Variants in SENP8 observed in about 807,000 individuals in gnomAD.
The protein encoded by SENP8 is sentrin-specific protease 8.
SENP8 carries 10 observed loss-of-function variants against 14.4 expected under a neutral mutation model. That is an observed-to-expected ratio of 0.69 (90% CI 0.43 to 1.18). The LOEUF is 1.18. Among genes scored for constraint, SENP8 ranks in the 50% most tolerant of loss-of-function variants. SENP8 has a pLI of 0.00. For missense variants in SENP8, 202 were observed against 249.4 expected, an observed-to-expected ratio of 0.81 and a Z score of 1.28; for synonymous variants, 94 against 95.5, an observed-to-expected ratio of 0.98 and a Z score of 0.09.
intron 1 of SENP8, among the ~76,000 whole-genome samples, chr15:72,126,643 C>T (rs576212235): frequency 1.2e-4 from 19 of 152,116 alleles, no homozygotes; most frequent in African/African-American, 3.6e-4. Flanking sequence ...GGAAAATTTC[C>T]GTCACAAGAA....
chr15:72,117,986 T>C (rs960958889), upstream of SENP8: 6 of 399,392 alleles, frequency 1.5e-5, no homozygotes, highest in East Asian at 3.6e-5. Context: ...GTGCAACTAC[T>C]GCCTCCGCCG....
intron 1 of SENP8, among the ~76,000 whole-genome samples, chr15:72,124,382 G>A (rs1440997382): frequency 6.6e-6 from 1 of 152,080 alleles, no homozygotes; most frequent in Non-Finnish European, 1.5e-5. Flanking sequence ...TCTCCAGATG[G>A]CTTAGGCTTA....
intron 1 of SENP8, among the ~76,000 whole-genome samples, chr15:72,131,651 A>G (rs1415197718): frequency 6.6e-6 from 1 of 152,190 alleles, no homozygotes; most frequent in Non-Finnish European, 1.5e-5. Flanking sequence ...AGCTTCATTT[A>G]ATTACAGAAT....
chr15:72,117,637 C>A (rs1273376866), upstream of SENP8: 6 of 395,372 alleles, frequency 1.5e-5, no homozygotes, highest in Middle Eastern at 1.2e-3. Context: ...AGACGTGGGC[C>A]AGGACGGGCT....
chr15:72,131,858 AT>A (rs2081276702), intron 1 of SENP8, among the ~76,000 whole-genome samples: 1 of 152,228 alleles, frequency 6.6e-6, no homozygotes, highest in African/African-American at 2.4e-5. Flanking sequence ...GTGGCTTTAT[AT>A]AAAGAGACAA....
At chr15:72,132,804 A>C (rs1013207674) in intron 1 of SENP8, among the ~76,000 whole-genome samples, 1 of 151,824 alleles carries the variant, frequency 6.6e-6, no homozygotes, top group African/African-American at 2.4e-5. Context: ...TCTGTCTACA[A>C]TATCTATTCC....
chr15:72,116,171 G>A (rs1007093837), upstream of SENP8, among the ~76,000 whole-genome samples: 5 of 152,200 alleles, frequency 3.3e-5, no homozygotes, highest in African/African-American at 1.2e-4. Flanking sequence ...ATGGGTGGCT[G>A]GAGAGTGAAG....
chr15:72,130,557 A>ATTTTTTTTTTTTT (rs11411490), intron 1 of SENP8, among the ~76,000 whole-genome samples: 1 of 106,164 alleles, frequency 9.4e-6, no homozygotes. Flanking sequence ...ATGTTTTAGG[A>ATTTTTTTTTTTTT]TTTTTTTTTT....
chr15:72,136,645 C>T (rs1203152384), intron 1 of SENP8, among the ~76,000 whole-genome samples: 2 of 152,054 alleles, frequency 1.3e-5, no homozygotes, highest in African/African-American at 2.4e-5. Flanking sequence ...CGTTTTGTTA[C>T]ACGAAAATGG....
At chr15:72,127,914 C>T (rs1028863607) in intron 1 of SENP8, among the ~76,000 whole-genome samples, 1 of 152,006 alleles carries the variant, frequency 6.6e-6, no homozygotes, top group African/African-American at 2.4e-5. Context: ...CATAGTGAGA[C>T]CCTGCCTCTA....
intron 1 of SENP8, among the ~76,000 whole-genome samples, chr15:72,123,046 C>T (rs938035339): frequency 2.6e-5 from 4 of 152,152 alleles, no homozygotes; most frequent in Admixed American, 2.6e-4. Flanking sequence ...ATTTATTGAA[C>T]CTCTACTATG....
At chr15:72,135,916 G>A (rs910415739) in intron 1 of SENP8, among the ~76,000 whole-genome samples, 5 of 152,078 alleles carry the variant, frequency 3.3e-5, no homozygotes, top group South Asian at 2.1e-4. Flanking sequence ...GTAGGTCTCC[G>A]GGTTTTTGCC....
upstream of SENP8, chr15:72,118,191 C>G: frequency 2.8e-6 from 1 of 360,746 alleles, no homozygotes; most frequent in Non-Finnish European, 5.0e-6. Flanking sequence ...CGGGTCGGCC[C>G]CGCCCTGTCC....
chr15:72,135,091 T>C (rs1344910817), intron 1 of SENP8: 3 of 253,360 alleles, frequency 1.2e-5, no homozygotes, highest in Non-Finnish European at 2.3e-5. Flanking sequence ...AGACAGAGTC[T>C]GGCTCTGTCA....
chr15:72,134,289 C>G (rs1170573984), intron 1 of SENP8, among the ~76,000 whole-genome samples: 1 of 152,156 alleles, frequency 6.6e-6, no homozygotes, highest in Non-Finnish European at 1.5e-5. Flanking sequence ...TATTCTTATT[C>G]TCACTTTAAG....
Position 72,140,593 on chromosome 15 carries a change from G to A in SENP8, c.*331G>A. On this transcript the variant is annotated 3_prime_UTR_variant, in exon 2 of 2. Transcript: ENST00000340912. ...TCCTTTGGTCTCCCTTATCCACATT[G>A]GCTTATTCTGGAGGAAAAGCAGTGA... is the stretch of plus-strand genomic sequence containing the variant. 4.4e-6 allele frequency: 1 copy of A among 226,380 alleles called. No individual in the cohort carries two copies. Among genetic ancestry groups the A allele is most frequent in the East Asian group, 1.1e-4 (1 of 8,830 alleles). 14.0% of individuals were successfully genotyped at this position (226,380 alleles called of 1,614,324 possible).
At chr15:72,129,007 T>C (rs994135990) in intron 1 of SENP8, among the ~76,000 whole-genome samples, 2 of 152,248 alleles carry the variant, frequency 1.3e-5, no homozygotes, top group East Asian at 3.8e-4. Context: ...TGGAATAGTA[T>C]GTTTTCAGTA....
intron 1 of SENP8, among the ~76,000 whole-genome samples, chr15:72,138,298 A>G (rs2140524949): frequency 6.6e-6 from 1 of 152,054 alleles, no homozygotes; most frequent in African/African-American, 2.4e-5. Context: ...CTTGAACAAC[A>G]CAGGGGCTAG....
In SENP8 at chr15:72,119,487, G is replaced by C. The variant is rs147217141; in HGVS notation, c.-48+1023G>C. On this transcript the variant is annotated intron_variant, in intron 1 of 1. Transcript: ENST00000340912. ...CATTTAGCCGGGCGCGGTGGCTCAC[G>C]CCTGTAATCCCAGCACTTTGGGAGG... Among the ~76,000 whole-genome samples, 704 of 152,282 alleles carry C rather than the reference G, an allele frequency of 4.6e-3. 30 individuals carry two copies. In the East Asian group the frequency reaches 0.062, roughly 13 times the overall value.
Sources: allele counts gnomAD v4.1 joint callset (sites outside exome capture counted in the v4.1 genomes callset), GRCh38; gene constraint gnomAD v4.1.1; transcripts MANE v1.5; gene names NCBI Gene and HGNC (gene_info 2026-07-23, HGNC 2026-07-21).